The following SH3GL2 variants were observed in gnomAD, a reference collection of about 807,000 sequenced individuals.
SH3GL2 encodes endophilin-A1.
In SH3GL2, 24 loss-of-function variants were observed where a neutral mutation model predicts 46.0. The observed-to-expected ratio is 0.52, with a 90% confidence interval of 0.38 to 0.73. The LOEUF is 0.73. Among genes scored for constraint, SH3GL2 ranks in the 30% least tolerant of loss-of-function variants. The probability of loss-of-function intolerance (pLI) is 0.00; values close to 1 mark genes in which losing one functional copy is unlikely to be tolerated. For missense variants in SH3GL2, 413 were observed against 424.2 expected, an observed-to-expected ratio of 0.97 and a Z score of 0.23; for synonymous variants, 196 against 147.1, an observed-to-expected ratio of 1.33 and a Z score of -2.40.
intron 3 of SH3GL2, among the ~76,000 whole-genome samples, chr9:17,763,511 G>A (rs1823236231): frequency 6.6e-6 from 1 of 152,126 alleles, no homozygotes; most frequent in Non-Finnish European, 1.5e-5. Flanking sequence ...GAAGTTACAC[G>A]TCACGAGCAA....
At chr9:17,671,475 C>G (rs1187365096) in intron 1 of SH3GL2, among the ~76,000 whole-genome samples, 1 of 151,998 alleles carries the variant, frequency 6.6e-6, no homozygotes. Context: ...TGAAAAATAA[C>G]TAAAACAGTA....
At position 17,773,992 on chromosome 9, in the gene SH3GL2, T is replaced by C. The variant is rs562779658; in HGVS notation, c.188-12389T>C. 8.1e-4 allele frequency among the ~76,000 whole-genome samples: 123 copies of C among 152,312 alleles called. 1 individual carries two copies. The highest frequency in any genetic ancestry group is 2.5e-3 in the African/African-American group (106 of 41,582). The stretch of plus-strand genomic sequence containing the variant: ...TTCTTTCAGCAGTGTTTGGTAGTTT[T>C]CATTGTTGAAGTCTTTTACCTCCTT... On this transcript the variant is annotated intron_variant, in intron 3 of 8. Coordinates refer to ENST00000380607, the MANE Select transcript of SH3GL2 (RefSeq NM_003026.5).
chr9:17,774,760 G>A (rs75769290), intron 3 of SH3GL2, among the ~76,000 whole-genome samples: 4,990 of 152,220 alleles, frequency 0.033, 123 homozygotes, highest in Middle Eastern at 0.1. Context: ...TTGTCTTGTA[G>A]TGTCTTTGTC....
chr9:17,793,338 C>G (rs755821882), intron 7 of SH3GL2, 29 bp from the exon 8 acceptor site: 35 of 1,595,812 alleles, frequency 2.2e-5, no homozygotes, highest in Non-Finnish European at 2.8e-5. Context: ...GGTTACATAA[C>G]CTTTCCACCA....
chr9:17,647,609 A>C (rs1819850512), intron 1 of SH3GL2, among the ~76,000 whole-genome samples: 2 of 152,192 alleles, frequency 1.3e-5, no homozygotes, highest in Non-Finnish European at 2.9e-5. Flanking sequence ...AGGTTAAATA[A>C]AGTAATACTG....
intron 1 of SH3GL2, among the ~76,000 whole-genome samples, chr9:17,641,597 C>G (rs1563793943): frequency 6.6e-6 from 1 of 152,132 alleles, no homozygotes; most frequent in Non-Finnish European, 1.5e-5. Context: ...CCTTGCCCCA[C>G]ATTCCCTGAC....
intron 3 of SH3GL2, among the ~76,000 whole-genome samples, chr9:17,778,972 C>T (rs967209068): frequency 6.6e-6 from 1 of 152,040 alleles, no homozygotes; most frequent in Non-Finnish European, 1.5e-5. Flanking sequence ...GAGAGGCCTA[C>T]ACATCCTAGT....
chr9:17,749,265 C>T (rs1380583323), intron 2 of SH3GL2, among the ~76,000 whole-genome samples: 1 of 152,182 alleles, frequency 6.6e-6, no homozygotes, highest in Non-Finnish European at 1.5e-5. Context: ...TTTACCCATT[C>T]ATCTTCTACG....
chr9:17,747,233 G>A, intron 2 of SH3GL2, 99 bp downstream of exon 2: 1 of 672,198 alleles, frequency 1.5e-6, no homozygotes, highest in Non-Finnish European at 2.6e-6. Context: ...TTTTCCACTG[G>A]TCTCTGAGAA....
rs189949625 is a variant in SH3GL2, at chr9:17,748,756, G to A, written c.114+1622G>A. ...AAACTTGGGGCAAGTAATGACCAGC[G>A]TGGCGAGGAGGAAAACTAATGGAGC... On this transcript the variant is annotated intron_variant, in intron 2 of 8. Transcript: ENST00000380607. Among the ~76,000 whole-genome samples, 22 of 152,210 alleles carry A rather than the reference G, an allele frequency of 1.4e-4. 1 individual carries two copies. Among genetic ancestry groups the A allele is most frequent in the Non-Finnish European group, 2.6e-4 (18 of 68,016 alleles).
chr9:17,717,595 G>C, intron 1 of SH3GL2, among the ~76,000 whole-genome samples: 1 of 152,112 alleles, frequency 6.6e-6, no homozygotes. Flanking sequence ...CAGATGCTCA[G>C]GATGCAGAAG....
At chr9:17,741,507 G>T (rs1022333323) in intron 1 of SH3GL2, among the ~76,000 whole-genome samples, 7 of 152,090 alleles carry the variant, frequency 4.6e-5, no homozygotes, top group African/African-American at 9.7e-5. Flanking sequence ...CACACAGTTT[G>T]TTGAATTTTC....
intron 1 of SH3GL2, among the ~76,000 whole-genome samples, chr9:17,594,263 G>T (rs1258316532): frequency 6.6e-6 from 1 of 152,078 alleles, no homozygotes; most frequent in Non-Finnish European, 1.5e-5. Context: ...CTGACACCTT[G>T]CAATTATGCC....
intron 1 of SH3GL2, among the ~76,000 whole-genome samples, chr9:17,680,665 C>G (rs1435109445): frequency 6.6e-6 from 1 of 152,120 alleles, no homozygotes; most frequent in Non-Finnish European, 1.5e-5. Flanking sequence ...TTCTTGCCTT[C>G]TGCTAGCTTT....
intron 1 of SH3GL2, among the ~76,000 whole-genome samples, chr9:17,620,991 G>A (rs981409491): frequency 6.6e-6 from 1 of 152,134 alleles, no homozygotes; most frequent in African/African-American, 2.4e-5. Context: ...TACTTATAAT[G>A]TGTAGTTCAT....
chr9:17,703,566 C>A (rs1247685873), intron 1 of SH3GL2, among the ~76,000 whole-genome samples: 1 of 152,014 alleles, frequency 6.6e-6, no homozygotes, highest in Non-Finnish European at 1.5e-5. Flanking sequence ...AAAATACTAG[C>A]AAACCAAATC....
At chr9:17,733,409 A>G (rs577697489) in intron 1 of SH3GL2, among the ~76,000 whole-genome samples, 26 of 152,038 alleles carry the variant, frequency 1.7e-4, no homozygotes, top group African/African-American at 6.3e-4. Context: ...TATATCTCCC[A>G]ATGCTATCCC....
At chr9:17,643,534 T>C (rs752358525) in intron 1 of SH3GL2, among the ~76,000 whole-genome samples, 8 of 152,208 alleles carry the variant, frequency 5.3e-5, no homozygotes, top group Non-Finnish European at 8.8e-5. Context: ...TCTTATTATT[T>C]TGAGATATGT....
chr9:17,780,181 G>A (rs1823762459), intron 3 of SH3GL2, among the ~76,000 whole-genome samples: 1 of 152,202 alleles, frequency 6.6e-6, no homozygotes, highest in Non-Finnish European at 1.5e-5. Context: ...AAGGTACATG[G>A]TTCAAGAAAC....
Sources: gnomAD v4.1 joint callset for allele counts (sites outside exome capture counted in the v4.1 genomes callset) on GRCh38, gnomAD v4.1.1 for gene constraint, MANE v1.5 for transcripts, NCBI Gene and HGNC (gene_info 2026-07-23, HGNC 2026-07-21) for gene names.